RPL38: variants seen among roughly 807,000 people sequenced by gnomAD.
RPL38 encodes the protein large ribosomal subunit protein eL38.
Under a neutral mutation model 12.8 loss-of-function variants are expected in RPL38, and 2 were observed. The observed-to-expected ratio is 0.16, with a 90% CI of 0.06 to 0.49. The LOEUF is 0.49. Ranked by LOEUF, RPL38 falls within the 20% of genes least tolerant of loss-of-function variation. The pLI is 0.96. For synonymous variants in RPL38, 42 were observed against 30.1 expected, an observed-to-expected ratio of 1.39 and a Z score of -1.29; for missense variants, 52 against 79.8, an observed-to-expected ratio of 0.65 and a Z score of 1.33.
Position 74,209,893 on chromosome 17 carries a change from T to C in RPL38, c.*64T>C. ...CTAAAAATCCTAAGTGTCTTTCGTC[T>C]TTGCGGATGGGAAAGGGAAAAATGC... On this transcript the variant is annotated 3_prime_UTR_variant, in exon 5 of 5. Transcript: ENST00000311111. 1 of 1,433,882 alleles carries C rather than the reference T, an allele frequency of 7.0e-7. No individual in the cohort carries two copies. Among genetic ancestry groups the C allele is most frequent in the African/African-American group, 1.4e-5 (1 of 71,152 alleles). 88.8% of individuals were successfully genotyped at this position (1,433,882 alleles called of 1,614,324 possible). A position where few individuals can be genotyped will look rare whatever the true frequency, so the allele number is the denominator to read the frequency against.
At chr17:74,208,729 A>T (rs1351923861) in intron 3 of RPL38, among the ~76,000 whole-genome samples, 1 of 152,306 alleles carries the variant, frequency 6.6e-6, no homozygotes, top group East Asian at 1.9e-4. Flanking sequence ...AGGTCCAGAG[A>T]TTAAGACCAT....
In RPL38 at chr17:74,204,110, C is replaced by T. The variant is rs371237826; in HGVS notation, c.4-20C>T. ...ACGTGTCTCTTTCCTCTCTGTTCAC[C>T]CGCTTCCTTTGTGTTGCAGCCTCGG... On this transcript the variant is annotated intron_variant, in intron 2 of 4. Transcript: ENST00000311111. The T allele has an allele frequency of 1.9e-4, 299 of 1,614,070 alleles. No individual in the cohort carries two copies. Among genetic ancestry groups the T allele is most frequent in the South Asian group, 7.5e-4 (68 of 91,080 alleles).
At chr17:74,204,406 G>A (rs192054181) in intron 3 of RPL38, 2 of 574,264 alleles carry the variant, frequency 3.5e-6, no homozygotes, top group Non-Finnish European at 6.2e-6. Flanking sequence ...AGCTAATCGC[G>A]ATCATCTCAG....
chr17:74,208,473 G>C (rs28399294), intron 3 of RPL38, among the ~76,000 whole-genome samples: 11 of 152,116 alleles, frequency 7.2e-5, no homozygotes, highest in African/African-American at 2.7e-4. Context: ...GAAAACCCTG[G>C]GTGCGTGTTG....
Position 74,210,580 on chromosome 17 carries a change from C to A in RPL38, c.*751C>A, listed in dbSNP as rs1220612180. On this transcript the variant is annotated 3_prime_UTR_variant, in exon 5 of 5. Transcript: ENST00000311111. ...GGGGAGGTGCATGGGTTGGGGTGGCCACCAGGTGGTGCTGTGCCACAGCGG... is the reference window on the plus strand; with the variant it reads ...GGGGAGGTGCATGGGTTGGGGTGGCAACCAGGTGGTGCTGTGCCACAGCGG... 6.6e-6 allele frequency: 1 copy of A among 152,186 alleles called. No individual in the cohort carries two copies. The highest frequency in any genetic ancestry group is 2.4e-5 in the African/African-American group (1 of 41,426). 9.4% of individuals were successfully genotyped at this position (152,186 alleles called of 1,614,324 possible). A position where few individuals can be genotyped will look rare whatever the true frequency, so the allele number is the denominator to read the frequency against.
intron 3 of RPL38, among the ~76,000 whole-genome samples, chr17:74,207,519 CT>C: frequency 1.3e-5 from 2 of 151,032 alleles, no homozygotes; most frequent in East Asian, 3.9e-4. Context: ...GTTGAGTAAA[CT>C]TTTTTTTTAT....
chr17:74,204,297 G>A, intron 3 of RPL38, 107 bp downstream of exon 3: 1 of 968,076 alleles, frequency 1.0e-6, no homozygotes, highest in Non-Finnish European at 1.6e-6. Flanking sequence ...CCGTCTGGGT[G>A]TGTGCCTGGC....
chr17:74,204,013 G>A lies in RPL38; in HGVS notation c.3+55G>A, dbSNP rs771797926. On this transcript the variant is annotated intron_variant, in intron 2 of 4. Coordinates refer to ENST00000311111, the MANE Select transcript of RPL38 (RefSeq NM_000999.4). ...CGGGGTGGGCTCGTGGGGCCCCGGG[G>A]CGAGGGCGAGAGAGCCTCCCAAGGA... The A allele has an allele frequency of 3.1e-6, 5 of 1,612,966 alleles. No homozygotes were observed. The South Asian group carries it at 5.5e-5, about 18-fold the overall frequency.
rs1010564592 is a variant in RPL38 at position 74,209,693 on chromosome 17, T to A, written c.188-111T>A. ...TTTTAACCGAAACTTCGCTGGTGGA[T>A]CTAATTTCTGAACCTTGTGTGCTCT... is the stretch of plus-strand genomic sequence containing the variant. On this transcript the variant is annotated intron_variant, in intron 4 of 4. Coordinates refer to ENST00000311111, the MANE Select transcript of RPL38 (RefSeq NM_000999.4). 1.3e-5 allele frequency: 12 copies of A among 906,618 alleles called. No homozygotes were observed. The South Asian group carries it at 1.7e-4, about 13-fold the overall frequency. 56.2% of individuals were successfully genotyped at this position (906,618 alleles called of 1,614,324 possible). A position where few individuals can be genotyped will look rare whatever the true frequency, so the allele number is the denominator to read the frequency against.
At position 74,209,252 on chromosome 17, in the gene RPL38, A is replaced by G; in HGVS notation, c.130A>G (p.Thr44Ala). Residue 44 changes from threonine (T) to alanine (A), a missense_variant, in exon 4 of 5, where the codon ACC becomes GCC. Coordinates refer to ENST00000311111, the MANE Select transcript of RPL38 (RefSeq NM_000999.4). ...AGTTCGATGCAGCAGATACCTTTACACCCTGGTCATCACTGACAAAGAGAA... is the reference window on the plus strand; with the variant it reads ...AGTTCGATGCAGCAGATACCTTTACGCCCTGGTCATCACTGACAAAGAGAA... ...FKVRCSRYLY[T>A]LVITDKEKAE... is the part of the protein sequence containing the mutation. 6.2e-7 allele frequency: 1 copy of G among 1,614,116 alleles called. No homozygotes were observed. Among genetic ancestry groups the G allele is most frequent in the Non-Finnish European group, 8.5e-7 (1 of 1,180,014 alleles).
Position 74,210,273 on chromosome 17 carries a change from C to T in RPL38, c.*444C>T, listed in dbSNP as rs143739016. ...CCCTAATCTTGAGCATGATCTCAGT[C>T]GGCAAATGAGGCCATCTGTTTTCAG... On this transcript the variant is annotated 3_prime_UTR_variant, in exon 5 of 5. Transcript: ENST00000311111. 1.1e-3 allele frequency: 164 copies of T among 155,326 alleles called. No homozygotes were observed. Among genetic ancestry groups the T allele is most frequent in the Middle Eastern group, 9.8e-3 (3 of 306 alleles). 9.6% of individuals were successfully genotyped at this position (155,326 alleles called of 1,614,324 possible).
At chr17:74,204,600 G>A (rs1473820668) in intron 3 of RPL38, 1 of 254,100 alleles carries the variant, frequency 3.9e-6, no homozygotes, top group Non-Finnish European at 7.7e-6. Context: ...GTAATGTATC[G>A]AGCACGGCAC....
intron 1 of RPL38, 49 bp downstream of exon 1, chr17:74,203,794 C>T (rs1373133618): frequency 1.2e-5 from 11 of 884,892 alleles, no homozygotes; most frequent in Non-Finnish European, 1.7e-5. Flanking sequence ...ACCCCAGGTC[C>T]GCGTGGAGGG....
chr17:74,207,017 G>A (rs1416563995), intron 3 of RPL38, among the ~76,000 whole-genome samples: 1 of 151,578 alleles, frequency 6.6e-6, no homozygotes, highest in East Asian at 1.9e-4. Flanking sequence ...TGCCCGGCCT[G>A]CAATTTGCTT....
At chr17:74,209,408 A>G in intron 4 of RPL38, 99 bp downstream of exon 4, 1 of 1,413,234 alleles carries the variant, frequency 7.1e-7, no homozygotes. Flanking sequence ...CAGATTTCAG[A>G]GCCCATTTTA....
chr17:74,205,395 T>C (rs2050103780), intron 3 of RPL38: 1 of 152,262 alleles, frequency 6.6e-6, no homozygotes, highest in East Asian at 1.9e-4. Flanking sequence ...CAGCCGTCTC[T>C]AATGCTCTGC....
At chr17:74,207,012 G>A (rs181532753) in intron 3 of RPL38, among the ~76,000 whole-genome samples, 2 of 150,688 alleles carry the variant, frequency 1.3e-5, no homozygotes, top group Non-Finnish European at 3.0e-5. Flanking sequence ...CACTGTGCCC[G>A]GCCTGCAATT....
At position 74,209,940 on chromosome 17, in the gene RPL38, G is replaced by A; in HGVS notation, c.*111G>A. ...ATGCTACCTCGTAGTGGCTTCTGAT[G>A]GGAACAGGACGCGGGTTCTGTTGCT... On this transcript the variant is annotated 3_prime_UTR_variant, in exon 5 of 5. Transcript: ENST00000311111. 1 of 850,160 alleles carries A rather than the reference G, an allele frequency of 1.2e-6. No individual in the cohort carries two copies. The highest frequency in any genetic ancestry group is 2.0e-6 in the Non-Finnish European group (1 of 499,016). 52.7% of individuals were successfully genotyped at this position (850,160 alleles called of 1,614,324 possible).
intron 3 of RPL38, chr17:74,205,546 A>G (rs956213486): frequency 3.3e-5 from 5 of 152,236 alleles, no homozygotes; most frequent in African/African-American, 1.2e-4. Flanking sequence ...CTGTGGGGAC[A>G]AATAGCATCT....
Sources: gnomAD v4.1 joint callset for allele counts (sites outside exome capture counted in the v4.1 genomes callset) on GRCh38, gnomAD v4.1.1 for gene constraint, MANE v1.5 for transcripts, NCBI Gene and HGNC (gene_info 2026-07-23, HGNC 2026-07-21) for gene names.